The following RALGPS1 variants were observed in gnomAD, a reference collection of about 807,000 sequenced individuals.
RALGPS1 encodes Ral GEF with PH domain and SH3 binding motif 1.
RALGPS1 carries 19 observed loss-of-function variants against 78.8 expected under a neutral mutation model. That is an observed-to-expected ratio of 0.24 (90% CI 0.17 to 0.35). The LOEUF is 0.35. Ranked by LOEUF, RALGPS1 falls within the 10% of genes least tolerant of loss-of-function variation. The pLI, the probability that RALGPS1 is intolerant of heterozygous loss-of-function variation, is 1.00. For missense variants in RALGPS1, 454 were observed against 688.3 expected, an observed-to-expected ratio of 0.66 and a Z score of 3.81; for synonymous variants, 228 against 256.3, an observed-to-expected ratio of 0.89 and a Z score of 1.06.
chr9:127,025,930 T>C (rs754479574), intron 4 of RALGPS1, among the ~76,000 whole-genome samples: 10 of 151,930 alleles, frequency 6.6e-5, no homozygotes, highest in Admixed American at 5.2e-4. Context: ...TTTCAAACTC[T>C]TGGGCTCAAG....
rs1322378215 is a variant in RALGPS1 at position 127,155,888 on chromosome 9, A to G, written c.611-10181A>G. On this transcript the variant is annotated intron_variant, in intron 8 of 18. Coordinates refer to ENST00000259351, the MANE Select transcript of RALGPS1 (RefSeq NM_014636.3). ...TTCTTTAATAGAAAGAGAAAGAAAG[A>G]AATATCTTGCTTTTTTTTTTTTTAC... Among the ~76,000 whole-genome samples, 4 of 123,608 alleles carry G rather than the reference A, an allele frequency of 3.2e-5. No individual in the cohort carries two copies. The Admixed American group carries it at 3.3e-4, about 10-fold the overall frequency. The allele number at this position is 123,608 out of a possible 152,430, so 81.1% of individuals were successfully genotyped here.
intron 6 of RALGPS1, 151 bp downstream of exon 6, chr9:127,050,283 G>T (rs955778427): frequency 8.6e-6 from 6 of 693,662 alleles, no homozygotes; most frequent in Admixed American, 2.4e-5. Context: ...ACTTCCCTAG[G>T]CAGAGCCAGC....
chr9:127,136,311 AG>A (rs1445223054), intron 8 of RALGPS1, among the ~76,000 whole-genome samples: 1 of 152,182 alleles, frequency 6.6e-6, no homozygotes, highest in Non-Finnish European at 1.5e-5. Context: ...CCAGCCAGGG[AG>A]GGGGAGGCCT....
intron 14 of RALGPS1, chr9:127,210,562 GT>G (rs2062188193): frequency 1.1e-5 from 7 of 665,630 alleles, no homozygotes; most frequent in Non-Finnish European, 1.8e-5. Flanking sequence ...CTGGGGAGGA[GT>G]TGGGGAGGGA....
intron 5 of RALGPS1, among the ~76,000 whole-genome samples, chr9:127,035,629 C>T (rs2046801092): frequency 6.6e-6 from 1 of 152,194 alleles, no homozygotes; most frequent in South Asian, 2.1e-4. Flanking sequence ...TTGTGCATCA[C>T]TGTTGCTCAA....
rs545751602 is a variant in RALGPS1 at position 127,179,891 on chromosome 9, G to A, written c.910+5109G>A. On this transcript the variant is annotated intron_variant, in intron 11 of 18. Transcript: ENST00000259351. Reference sequence around the variant, plus strand: ...CCCTTTGAGGCCTTGATTCAAGTCCGAAGTGGTCTGTGGGCTGAGGCTGCC... The same window carrying A: ...CCCTTTGAGGCCTTGATTCAAGTCCAAAGTGGTCTGTGGGCTGAGGCTGCC... Among the ~76,000 whole-genome samples, 18 of 152,256 alleles carry A rather than the reference G, an allele frequency of 1.2e-4. No homozygotes were observed. The East Asian group carries it at 2.1e-3, about 18-fold the overall frequency.
chr9:126,946,452 T>G (rs1055206012), intron 1 of RALGPS1, among the ~76,000 whole-genome samples: 1 of 146,336 alleles, frequency 6.8e-6, no homozygotes, highest in East Asian at 2.0e-4. Flanking sequence ...GAGAATTGCT[T>G]GAACCTGGGA....
intron 4 of RALGPS1, among the ~76,000 whole-genome samples, chr9:126,987,541 A>G (rs1294175453): frequency 6.6e-6 from 1 of 152,172 alleles, no homozygotes; most frequent in Non-Finnish European, 1.5e-5. Context: ...CCAAAGGCTT[A>G]CCAGAAGTCA....
At chr9:127,001,303 G>T (rs368783178) in intron 4 of RALGPS1, among the ~76,000 whole-genome samples, 2 of 148,598 alleles carry the variant, frequency 1.3e-5, no homozygotes, top group Admixed American at 1.3e-4. Flanking sequence ...AAAAAAAAAA[G>T]TAAGTTCACA....
intron 8 of RALGPS1, among the ~76,000 whole-genome samples, chr9:127,073,532 T>G (rs2135961039): frequency 6.6e-6 from 1 of 152,014 alleles, no homozygotes; most frequent in Non-Finnish European, 1.5e-5. Context: ...ACACTTAGGT[T>G]TATTCCATAT....
Position 127,212,620 on chromosome 9 carries a change from T to G in RALGPS1, c.1354-7T>G, listed in dbSNP as rs371612915. 6.2e-7 allele frequency: 1 copy of G among 1,601,436 alleles called. No individual in the cohort carries two copies. Among genetic ancestry groups the G allele is most frequent in the Non-Finnish European group, 8.5e-7 (1 of 1,171,180 alleles). ...GTGGCATCACTCAGCCTCCCCTTCC[T>G]CTGTAGCTGTCCTCGTGGACCAGGT... On this transcript the variant is annotated splice_region_variant and splice_polypyrimidine_tract_variant and intron_variant, in intron 15 of 18. Coordinates refer to ENST00000259351, the MANE Select transcript of RALGPS1 (RefSeq NM_014636.3). This position sits in a 1 kb window ranked among gnomAD's most constrained non-coding sequence, Gnocchi z 6.0.
At chr9:126,932,330 A>G (rs2035867693) in intron 1 of RALGPS1, among the ~76,000 whole-genome samples, 2 of 152,200 alleles carry the variant, frequency 1.3e-5, no homozygotes, top group African/African-American at 2.4e-5. Flanking sequence ...AATTGACATC[A>G]TCTATCAAAG....
chr9:127,194,537 C>G (rs552817955), intron 11 of RALGPS1, among the ~76,000 whole-genome samples: 31 of 152,298 alleles, frequency 2.0e-4, no homozygotes, highest in African/African-American at 7.5e-4. Flanking sequence ...CTCAGCCTCC[C>G]GAGTAGCTGG....
At position 127,195,185 on chromosome 9, in the gene RALGPS1, C is replaced by G. The variant is rs1431005184; in HGVS notation, c.1005C>G (p.Pro335=). The change falls in exon 12 of 19, where the codon CCC becomes CCG. Residue 335 remains proline (P), a synonymous_variant. Coordinates refer to ENST00000259351, the MANE Select transcript of RALGPS1 (RefSeq NM_014636.3). ...VAGSLPTPPV[P]RHRKSHSLGN... ...GCAGCCTCCCCACACCTCCAGTCCC[C>G]AGACACAGGAAGAGCCACAGCCTAG... 2 of 1,612,218 alleles carry G rather than the reference C, an allele frequency of 1.2e-6. No individual in the cohort carries two copies. The highest frequency in any genetic ancestry group is 1.7e-6 in the Non-Finnish European group (2 of 1,179,974).
intron 1 of RALGPS1, among the ~76,000 whole-genome samples, chr9:126,935,429 A>C (rs538880379): frequency 2.6e-5 from 4 of 152,316 alleles, no homozygotes; most frequent in Admixed American, 1.3e-4. Flanking sequence ...GAAGAATCCT[A>C]GGTGCTTCAG....
At chr9:126,971,206 G>A (rs1258617980) in intron 3 of RALGPS1, among the ~76,000 whole-genome samples, 1 of 151,672 alleles carries the variant, frequency 6.6e-6, no homozygotes, top group African/African-American at 2.4e-5. Flanking sequence ...ATGCCTGAAA[G>A]CAGGGAACAA....
intron 18 of RALGPS1, chr9:127,216,840 CCTCAGT>C: frequency 3.6e-6 from 5 of 1,396,908 alleles, no homozygotes; most frequent in Non-Finnish European, 4.7e-6. Flanking sequence ...GTCTGGGGTC[CCTCAGT>C]AGCTCTGAGG....
chr9:127,168,061 G>A (rs184080273), intron 9 of RALGPS1, among the ~76,000 whole-genome samples: 24 of 152,348 alleles, frequency 1.6e-4, no homozygotes, highest in East Asian at 3.9e-4. Flanking sequence ...TTTCTCCCAC[G>A]TGAGGCAGGT....
intron 1 of RALGPS1, among the ~76,000 whole-genome samples, chr9:126,959,234 G>A (rs944208488): frequency 2.2e-4 from 33 of 151,892 alleles, no homozygotes; most frequent in African/African-American, 7.7e-4. Context: ...ACTGATTTTT[G>A]TCTTTTTAAT....
Sources: allele counts gnomAD v4.1 joint callset (sites outside exome capture counted in the v4.1 genomes callset), GRCh38; gene constraint gnomAD v4.1.1; non-coding constraint Gnocchi (gnomAD v3.1); transcripts MANE v1.5; gene names NCBI Gene and HGNC (gene_info 2026-07-23, HGNC 2026-07-21).